The following DOCK5 variants were observed in gnomAD, a reference collection of about 807,000 sequenced individuals.
DOCK5 encodes dedicator of cytokinesis 5.
A neutral mutation model predicts 251.8 loss-of-function variants in DOCK5; 142 were observed. That is an observed-to-expected ratio of 0.56 (90% CI 0.49 to 0.65). The LOEUF is 0.65. DOCK5 is among the 30% of genes least tolerant of loss of function. The pLI is 0.00. For synonymous variants in DOCK5, 842 were observed against 835.5 expected, an observed-to-expected ratio of 1.01 and a Z score of -0.13; for missense variants, 2,111 against 2,312.3, an observed-to-expected ratio of 0.91 and a Z score of 1.79.
chr8:25,351,093 T>C (rs1800458763), intron 26 of DOCK5, among the ~76,000 whole-genome samples: 1 of 152,182 alleles, frequency 6.6e-6, no homozygotes, highest in South Asian at 2.1e-4. Flanking sequence ...AGTCTGGCTC[T>C]GTCACCCAGG....
intron 45 of DOCK5, 77 bp downstream of exon 45, chr8:25,395,796 T>G (rs758100871): frequency 1.4e-5 from 20 of 1,471,782 alleles, no homozygotes; most frequent in Non-Finnish European, 1.9e-5. Context: ...CATTTGCCAC[T>G]GACAAATTCA....
At chr8:25,309,040 T>G in intron 12 of DOCK5, 115 bp downstream of exon 12, 1 of 1,405,214 alleles carries the variant, frequency 7.1e-7, no homozygotes, top group Non-Finnish European at 9.5e-7. Context: ...CAGCCTCTGC[T>G]GGGGACCATC....
Position 25,411,323 on chromosome 8 carries a change from G to C in DOCK5, c.*25G>C. 6.9e-7 allele frequency: 1 copy of C among 1,442,744 alleles called. No homozygotes were observed. Among genetic ancestry groups the C allele is most frequent in the Non-Finnish European group, 9.1e-7 (1 of 1,098,528 alleles). 89.4% of individuals were successfully genotyped at this position (1,442,744 alleles called of 1,614,324 possible). A position where few individuals can be genotyped will look rare whatever the true frequency, so the allele number is the denominator to read the frequency against. On this transcript the variant is annotated 3_prime_UTR_variant, in exon 52 of 52. Coordinates refer to ENST00000276440, the MANE Select transcript of DOCK5 (RefSeq NM_024940.8). ...AGGATCTTGCCCTCCCTGCAACACC[G>C]AGTGCCTTAGACAGCTGCTGCCTGA...
chr8:25,230,540 C>T (rs897956154), intron 1 of DOCK5, among the ~76,000 whole-genome samples: 2 of 152,048 alleles, frequency 1.3e-5, no homozygotes, highest in African/African-American at 4.8e-5. Flanking sequence ...TTTAATTAAA[C>T]ATTGAATGCA....
chr8:25,185,898 G>C (rs1002504779), intron 1 of DOCK5, among the ~76,000 whole-genome samples: 2 of 152,194 alleles, frequency 1.3e-5, no homozygotes, highest in African/African-American at 2.4e-5. Context: ...GCCCTGAACG[G>C]GGTGATTACA....
In DOCK5 at chr8:25,408,869, A is replaced by C. The variant is rs779250831; in HGVS notation, c.5333A>C (p.His1778Pro). The C allele has an allele frequency of 1.4e-5, 22 of 1,613,818 alleles. No individual in the cohort carries two copies. The African/African-American group carries it at 1.7e-4, about 13-fold the overall frequency. Residue 1778 changes from histidine (H) to proline (P), a missense_variant, in exon 50 of 52, where the codon CAC (histidine) becomes CCC (proline). Physicochemically the swap from His to Pro is moderately conservative, Grantham distance 77. Transcript: ENST00000276440. Reference protein sequence around the residue: ...QLMDNRLSPFHGSSPPQSTPL... With the variant: ...QLMDNRLSPFPGSSPPQSTPL... ...ATGGATAATCGGCTATCACCATTTCACGGTTCTTCACCTCCTCAGTCAACA... is the reference window on the plus strand; with the variant it reads ...ATGGATAATCGGCTATCACCATTTCCCGGTTCTTCACCTCCTCAGTCAACA...
At chr8:25,198,434 T>C (rs1801788606) in intron 1 of DOCK5, among the ~76,000 whole-genome samples, 1 of 152,094 alleles carries the variant, frequency 6.6e-6, no homozygotes, top group South Asian at 2.1e-4. Flanking sequence ...TAGCTGGGCA[T>C]GGTAGTGTGT....
intron 25 of DOCK5, among the ~76,000 whole-genome samples, chr8:25,343,700 C>T (rs1800306120): frequency 6.6e-6 from 1 of 152,192 alleles, no homozygotes; most frequent in African/African-American, 2.4e-5. Context: ...TACATGCATC[C>T]CTTCTCAACC....
intron 42 of DOCK5, among the ~76,000 whole-genome samples, chr8:25,391,197 C>CTG (rs760981712): frequency 0.037 from 845 of 22,832 alleles, 13 homozygotes; most frequent in African/African-American, 0.042. Flanking sequence ...ACCACCACAC[C>CTG]TGTGTGTGTG....
chr8:25,190,781 T>TTTTTTTTTTTTG (rs1586214309), intron 1 of DOCK5, among the ~76,000 whole-genome samples: 1 of 95,900 alleles, frequency 1.0e-5, no homozygotes, highest in Non-Finnish European at 2.4e-5. Flanking sequence ...CATGGGTTTT[T>TTTTTTTTTTTTG]TTTTTTTTTT....
intron 13 of DOCK5, 120 bp from the exon 14 acceptor site, chr8:25,316,887 G>A: frequency 1.6e-6 from 2 of 1,249,964 alleles, no homozygotes; most frequent in Non-Finnish European, 2.2e-6. Flanking sequence ...TTTGTCGGAT[G>A]AGTAGTTCAG....
At chr8:25,383,143 C>T (rs893141137) in intron 40 of DOCK5, among the ~76,000 whole-genome samples, 1 of 152,168 alleles carries the variant, frequency 6.6e-6, no homozygotes, top group Non-Finnish European at 1.5e-5. Flanking sequence ...AAGAACCAGA[C>T]TGCAGGAGTA....
At chr8:25,296,412 C>G in intron 6 of DOCK5, 101 bp from the exon 7 acceptor site, 1 of 1,451,520 alleles carries the variant, frequency 6.9e-7, no homozygotes, top group Non-Finnish European at 9.2e-7. Flanking sequence ...TCCAGCATCT[C>G]CCTTTCTAAC....
Position 25,382,744 on chromosome 8 carries a change from G to T in DOCK5, c.4097G>T (p.Gly1366Val). The change falls in exon 40 of 52, where the codon GGA becomes GTA. Residue 1366 changes from glycine (G) to valine (V), a missense_variant. Physicochemically the swap from Gly to Val is moderately radical, Grantham distance 109 (BLOSUM62 -3). This residue lies in a region of DOCK5 where 1,717 missense variants were observed against 1,892.4 expected (regional missense o/e 0.91). Transcript: ENST00000276440. ...MRPQPEYFAV[G>V]YYGQGFPSFL... ...CCTCAGCCTGAATACTTTGCTGTTG[G>T]ATACTATGGACAGGGCTTTCCTTCT... 1 of 1,613,758 alleles carries T rather than the reference G, an allele frequency of 6.2e-7. No homozygotes were observed. The highest frequency in any genetic ancestry group is 8.5e-7 in the Non-Finnish European group (1 of 1,179,804).
At chr8:25,222,271 G>A (rs1487305711) in intron 1 of DOCK5, among the ~76,000 whole-genome samples, 9 of 152,150 alleles carry the variant, frequency 5.9e-5, no homozygotes, top group Admixed American at 5.2e-4. Context: ...TATTTCAAAC[G>A]GGATCTGAGA....
rs1801386923 is a variant in DOCK5, at chr8:25,184,824, A to C, written c.-85A>C. The stretch of plus-strand genomic sequence containing the variant: ...GGAACATGGCGGAAGCGTCTGGGGC[A>C]CGCAGGAGCGCGGGGCGGCGGCGGC... On this transcript the variant is annotated 5_prime_UTR_variant, in exon 1 of 52. Coordinates refer to ENST00000276440, the MANE Select transcript of DOCK5 (RefSeq NM_024940.8). 1 of 1,199,442 alleles carries C rather than the reference A, an allele frequency of 8.3e-7. No individual in the cohort carries two copies. The highest frequency in any genetic ancestry group is 1.6e-5 in the African/African-American group (1 of 62,950). 74.3% of individuals were successfully genotyped at this position (1,199,442 alleles called of 1,614,324 possible). A position where few individuals can be genotyped will look rare whatever the true frequency, so the allele number is the denominator to read the frequency against.
intron 1 of DOCK5, among the ~76,000 whole-genome samples, chr8:25,200,754 A>G (rs540258605): frequency 6.6e-6 from 1 of 152,340 alleles, no homozygotes; most frequent in East Asian, 1.9e-4. Context: ...CAAAAACCAA[A>G]TCCAATATTT....
chr8:25,194,006 C>T (rs1457164763), intron 1 of DOCK5, among the ~76,000 whole-genome samples: 2 of 151,912 alleles, frequency 1.3e-5, no homozygotes, highest in African/African-American at 4.8e-5. Context: ...ATAATTGAAG[C>T]CGGGCATGGT....
intron 33 of DOCK5, among the ~76,000 whole-genome samples, chr8:25,369,203 A>G (rs892706306): frequency 6.6e-6 from 1 of 152,248 alleles, no homozygotes; most frequent in Non-Finnish European, 1.5e-5. Context: ...TTTCGCATCT[A>G]TGAACCTCTG....
Sources: gnomAD v4.1 joint callset for allele counts (sites outside exome capture counted in the v4.1 genomes callset) on GRCh38, gnomAD v4.1.1 for gene constraint, gnomAD v4.1.1 regional missense constraint, MANE v1.5 for transcripts, NCBI Gene and HGNC (gene_info 2026-07-23, HGNC 2026-07-21) for gene names.